Variants in PLXDC2 observed in about 807,000 individuals in gnomAD.
PLXDC2 encodes the protein plexin domain containing 2.
In PLXDC2, 40 loss-of-function variants were observed where a neutral mutation model predicts 68.9. That is an observed-to-expected ratio of 0.58 (90% CI 0.45 to 0.76). The LOEUF (loss-of-function observed/expected upper bound fraction) is 0.76, where lower values mean the gene tolerates loss of function less well. Among genes scored for constraint, PLXDC2 ranks in the 30% least tolerant of loss-of-function variants. The probability of loss-of-function intolerance (pLI) is 0.00; values close to 1 mark genes in which losing one functional copy is unlikely to be tolerated. For synonymous variants in PLXDC2, 243 were observed against 234.2 expected, an observed-to-expected ratio of 1.04 and a Z score of -0.34; for missense variants, 644 against 661.9, an observed-to-expected ratio of 0.97 and a Z score of 0.30.
At position 20,134,956 on chromosome 10, in the gene PLXDC2, G is replaced by T. The variant is rs116508513; in HGVS notation, c.542-8339G>T. Among the ~76,000 whole-genome samples the T allele has an allele frequency of 2.6e-5, 4 of 152,276 alleles. No individual in the cohort carries two copies. In the South Asian group the frequency reaches 8.3e-4, roughly 32 times the overall value. On this transcript the variant is annotated intron_variant, in intron 4 of 13. Coordinates refer to ENST00000377252, the MANE Select transcript of PLXDC2 (RefSeq NM_032812.9). ...TGGAGGGTATATTTCTCTGCACTGGGTTGCATAGGCTTGGAGAAGACTTGA... is the reference window on the plus strand; with the variant it reads ...TGGAGGGTATATTTCTCTGCACTGGTTTGCATAGGCTTGGAGAAGACTTGA...
intron 1 of PLXDC2, among the ~76,000 whole-genome samples, chr10:19,948,060 A>G (rs1833931942): frequency 1.3e-5 from 2 of 152,204 alleles, no homozygotes; most frequent in Admixed American, 1.3e-4. Context: ...TTAAAGGATG[A>G]AATGCTTAAA....
chr10:20,126,043 T>G (rs571109555), intron 4 of PLXDC2, among the ~76,000 whole-genome samples: 1 of 148,234 alleles, frequency 6.7e-6, no homozygotes, highest in Non-Finnish European at 1.5e-5. Flanking sequence ...CATTTGTACA[T>G]TTGCGTATAC....
chr10:19,853,715 A>G (rs1228343749), intron 1 of PLXDC2, among the ~76,000 whole-genome samples: 3 of 152,056 alleles, frequency 2.0e-5, no homozygotes, highest in South Asian at 2.1e-4. Flanking sequence ...AGGGGTGAAG[A>G]GACACAGTAA....
At chr10:20,034,947 A>G (rs1469553299) in intron 2 of PLXDC2, among the ~76,000 whole-genome samples, 3 of 152,192 alleles carry the variant, frequency 2.0e-5, no homozygotes, top group Non-Finnish European at 4.4e-5. Context: ...TTGTACAATG[A>G]TGAAATTCCC....
intron 4 of PLXDC2, among the ~76,000 whole-genome samples, chr10:20,083,971 A>G (rs1211967574): frequency 6.6e-6 from 1 of 152,208 alleles, no homozygotes; most frequent in Non-Finnish European, 1.5e-5. Flanking sequence ...CATTTAATTA[A>G]CCAATACATA....
intron 6 of PLXDC2, among the ~76,000 whole-genome samples, chr10:20,161,333 A>G (rs1015955035): frequency 8.6e-5 from 13 of 151,598 alleles, no homozygotes; most frequent in African/African-American, 3.2e-4. Flanking sequence ...TAAAAATTAA[A>G]AAAAAAAATC....
chr10:20,162,410 C>G (rs1022789449), intron 6 of PLXDC2, among the ~76,000 whole-genome samples: 13 of 152,070 alleles, frequency 8.5e-5, no homozygotes, highest in African/African-American at 1.9e-4. Flanking sequence ...TCTGGTAAAG[C>G]CTTTTTCAAC....
intron 1 of PLXDC2, among the ~76,000 whole-genome samples, chr10:19,887,616 A>G (rs563045042): frequency 5.7e-4 from 87 of 152,330 alleles, no homozygotes; most frequent in Non-Finnish European, 1.0e-3. Flanking sequence ...AGTACCTGGG[A>G]TAAATAAAAA....
intron 1 of PLXDC2, among the ~76,000 whole-genome samples, chr10:19,921,862 A>T (rs967186947): frequency 1.3e-5 from 2 of 151,650 alleles, no homozygotes; most frequent in South Asian, 4.2e-4. Flanking sequence ...ATTTTTTTTA[A>T]TTTTTTTATT....
At chr10:20,071,852 T>G (rs1290561419) in intron 4 of PLXDC2, among the ~76,000 whole-genome samples, 1 of 152,128 alleles carries the variant, frequency 6.6e-6, no homozygotes, top group Non-Finnish European at 1.5e-5. Context: ...GAAGGTAGAA[T>G]TTTAGTAGGC....
intron 13 of PLXDC2, among the ~76,000 whole-genome samples, chr10:20,269,115 G>C (rs1230422710): frequency 1.3e-5 from 2 of 152,010 alleles, no homozygotes; most frequent in Non-Finnish European, 2.9e-5. Context: ...TTTACAGGGG[G>C]GTATAACTAA....
chr10:20,044,602 G>A (rs912821499), intron 2 of PLXDC2, among the ~76,000 whole-genome samples: 3 of 151,856 alleles, frequency 2.0e-5, no homozygotes, highest in Non-Finnish European at 4.4e-5. Context: ...GAGCCACCGC[G>A]TCCAGCCTGC....
chr10:20,000,788 G>A (rs1027662195), intron 1 of PLXDC2, among the ~76,000 whole-genome samples: 4 of 152,174 alleles, frequency 2.6e-5, no homozygotes, highest in African/African-American at 7.2e-5. Context: ...CATAATGGCT[G>A]TAATTAAATC....
chr10:20,244,687 A>G (rs1353682498), intron 12 of PLXDC2, among the ~76,000 whole-genome samples: 2 of 152,362 alleles, frequency 1.3e-5, no homozygotes, highest in African/African-American at 4.8e-5. Flanking sequence ...AAAATTAATC[A>G]GCTTTTCCAT....
rs1235123608 is a variant in PLXDC2, at chr10:20,289,326, T to A, written c.*9507T>A. The A allele has an allele frequency of 6.6e-6, 1 of 152,190 alleles. No homozygotes were observed. Among genetic ancestry groups the A allele is most frequent in the African/African-American group, 2.4e-5 (1 of 41,442 alleles). 9.4% of individuals were successfully genotyped at this position (152,190 alleles called of 1,614,324 possible). A position where few individuals can be genotyped will look rare whatever the true frequency, so the allele number is the denominator to read the frequency against. Reference sequence around the variant, plus strand: ...ATTCCCAGCCACAGTGCCCAAGCGTTCAAGTCTCCTGGATCAGACAGATGG... The same window carrying A: ...ATTCCCAGCCACAGTGCCCAAGCGTACAAGTCTCCTGGATCAGACAGATGG... On this transcript the variant is annotated 3_prime_UTR_variant, in exon 14 of 14. Coordinates refer to ENST00000377252, the MANE Select transcript of PLXDC2 (RefSeq NM_032812.9).
intron 4 of PLXDC2, among the ~76,000 whole-genome samples, chr10:20,090,602 C>A (rs1833263626): frequency 6.6e-6 from 1 of 152,066 alleles, no homozygotes; most frequent in South Asian, 2.1e-4. Context: ...TTAATGCCTC[C>A]AGTAGAGTGA....
At chr10:19,854,517 A>G (rs1739377672) in intron 1 of PLXDC2, among the ~76,000 whole-genome samples, 1 of 152,238 alleles carries the variant, frequency 6.6e-6, no homozygotes, top group Non-Finnish European at 1.5e-5. Context: ...CAGCTGCTAT[A>G]CACAGGACAG....
At chr10:19,838,867 G>C (rs945986730) in intron 1 of PLXDC2, among the ~76,000 whole-genome samples, 1 of 152,052 alleles carries the variant, frequency 6.6e-6, no homozygotes, top group Non-Finnish European at 1.5e-5. Flanking sequence ...TTTAAGCTTC[G>C]GCTCCTTATA....
rs1836177331 is a variant in PLXDC2 at position 20,287,848 on chromosome 10, CT to C, written c.*8035del. On this transcript the variant is annotated 3_prime_UTR_variant, in exon 14 of 14. Transcript: ENST00000377252. ...TTTCAGGGGAAAAAAAGGAGAGAGT[CT>C]TTTTTATATGCCAGCTGGGATCATG... 1 of 151,772 alleles carries C rather than the reference CT, an allele frequency of 6.6e-6. No individual in the cohort carries two copies. The highest frequency in any genetic ancestry group is 2.4e-5 in the African/African-American group (1 of 41,262). 9.4% of individuals were successfully genotyped at this position (151,772 alleles called of 1,614,324 possible).
Sources: allele counts gnomAD v4.1 joint callset (sites outside exome capture counted in the v4.1 genomes callset), GRCh38; gene constraint gnomAD v4.1.1; transcripts MANE v1.5; gene names NCBI Gene and HGNC (gene_info 2026-07-23, HGNC 2026-07-21).